The following PHLPP2 variants were observed in gnomAD, a reference collection of about 807,000 sequenced individuals.
The protein encoded by PHLPP2 is PH domain and leucine rich repeat protein phosphatase 2, also known as PH domain leucine-rich repeat-containing protein phosphatase 2.
A neutral mutation model predicts 124.9 loss-of-function variants in PHLPP2; 66 were observed. The ratio of observed to expected loss-of-function variants is 0.53; its 90% CI spans 0.43 to 0.65. The LOEUF is 0.65. Ranked by LOEUF, PHLPP2 falls within the 30% of genes least tolerant of loss-of-function variation. The pLI, the probability that PHLPP2 is intolerant of heterozygous loss-of-function variation, is 0.00. For synonymous variants in PHLPP2, 681 were observed against 624.7 expected (o/e 1.09, Z -1.34); for missense variants, 1,685 against 1,600.4 (o/e 1.05, Z -0.90).
chr16:71,719,986 T>TTTTTTTTTTTTTTC, intron 1 of PHLPP2, among the ~76,000 whole-genome samples: 1 of 143,206 alleles, frequency 7.0e-6, no homozygotes, highest in Non-Finnish European at 1.5e-5. Context: ...TTTTTTTTTT[T>TTTTTTTTTTTTTTC]TTGAGACGGA....
intron 7 of PHLPP2, 71 bp downstream of exon 7, chr16:71,679,318 C>T: frequency 7.5e-7 from 1 of 1,337,750 alleles, no homozygotes; most frequent in Non-Finnish European, 1.1e-6. Context: ...CAAGATACTA[C>T]CTTCATTCCA....
chr16:71,658,237 A>T lies in PHLPP2; in HGVS notation c.2275T>A (p.Phe759Ile). 1.2e-6 allele frequency: 2 copies of T among 1,613,072 alleles called. No homozygotes were observed. Among genetic ancestry groups the T allele is most frequent in the Non-Finnish European group, 1.7e-6 (2 of 1,179,670 alleles). ...LVLEHKTLDIFSHITTLKIDQ... is the reference protein window; with the variant it reads ...LVLEHKTLDIISHITTLKIDQ... Reference sequence around the variant, plus strand: ...CCATTTCAAATTTTTTCCTACCTAAATATGTCCAGTGTCTTGTGTTCCAGA... The same window carrying T: ...CCATTTCAAATTTTTTCCTACCTAATTATGTCCAGTGTCTTGTGTTCCAGA... Residue 759 changes from phenylalanine (F) to isoleucine (I), a missense_variant, in exon 15 of 19, where the codon TTT (phenylalanine) becomes ATT (isoleucine). Coordinates refer to ENST00000568954, the MANE Select transcript of PHLPP2 (RefSeq NM_015020.3).
chr16:71,706,230 T>C (rs746047829), intron 2 of PHLPP2, among the ~76,000 whole-genome samples: 26 of 152,294 alleles, frequency 1.7e-4, no homozygotes, highest in Non-Finnish European at 2.8e-4. Flanking sequence ...CCATGTAAAT[T>C]TGAATATATA....
intron 4 of PHLPP2, among the ~76,000 whole-genome samples, chr16:71,686,266 G>A (rs200618962): frequency 2.6e-5 from 4 of 152,090 alleles, no homozygotes; most frequent in Admixed American, 6.6e-5. Context: ...TCAACCTTAC[G>A]GGTTCAAGTG....
At chr16:71,712,111 T>C (rs762992652) in intron 2 of PHLPP2, among the ~76,000 whole-genome samples, 11 of 152,252 alleles carry the variant, frequency 7.2e-5, no homozygotes, top group Admixed American at 3.3e-4. Context: ...CTTGGAGTTA[T>C]TGTGAGGATT....
chr16:71,715,117 C>A (rs1479116301), intron 1 of PHLPP2: 8 of 311,832 alleles, frequency 2.6e-5, no homozygotes. Context: ...TTTGGGGGGC[C>A]AAGGTAAGAG....
intron 1 of PHLPP2, among the ~76,000 whole-genome samples, chr16:71,716,462 A>T (rs1046749680): frequency 6.6e-6 from 1 of 152,216 alleles, no homozygotes; most frequent in Admixed American, 6.5e-5. Flanking sequence ...AGTTATCTCA[A>T]AGCAAAAACA....
intron 4 of PHLPP2, among the ~76,000 whole-genome samples, chr16:71,690,018 A>C (rs2045093466): frequency 1.3e-5 from 2 of 152,160 alleles, no homozygotes; most frequent in Admixed American, 1.3e-4. Context: ...ATATCTGTTT[A>C]TGGTCATTTG....
At chr16:71,671,449 T>C (rs2044892103) in intron 10 of PHLPP2, among the ~76,000 whole-genome samples, 1 of 152,000 alleles carries the variant, frequency 6.6e-6, no homozygotes, top group Non-Finnish European at 1.5e-5. Context: ...CACTGCTTGT[T>C]TGATTGTTCA....
chr16:71,696,680 T>C (rs2045174479), intron 3 of PHLPP2, among the ~76,000 whole-genome samples: 1 of 151,758 alleles, frequency 6.6e-6, no homozygotes, highest in Non-Finnish European at 1.5e-5. Context: ...CTTGTAAGAA[T>C]CATGTCCTCT....
intron 1 of PHLPP2, among the ~76,000 whole-genome samples, chr16:71,720,587 G>C (rs554176908): frequency 7.2e-5 from 11 of 152,254 alleles, no homozygotes; most frequent in African/African-American, 2.6e-4. Flanking sequence ...AAATACGGCC[G>C]GGTGCGGTGG....
At chr16:71,665,614 A>C (rs1345063267) in intron 12 of PHLPP2, among the ~76,000 whole-genome samples, 1 of 152,186 alleles carries the variant, frequency 6.6e-6, no homozygotes, top group African/African-American at 2.4e-5. Context: ...AGCTAATGGC[A>C]GGTACTGTGT....
intron 3 of PHLPP2, among the ~76,000 whole-genome samples, chr16:71,691,877 T>C (rs1308908544): frequency 6.6e-6 from 1 of 151,998 alleles, no homozygotes. Flanking sequence ...AGGAAGACTG[T>C]TTGAGCCCAG....
chr16:71,681,995 G>T, intron 5 of PHLPP2, 90 bp from the exon 6 acceptor site: 1 of 866,366 alleles, frequency 1.2e-6, no homozygotes, highest in South Asian at 3.0e-5. Flanking sequence ...ACAAAAAGAC[G>T]CTAATTAAAA....
In PHLPP2 at chr16:71,655,357, C is replaced by A; in HGVS notation, c.2468G>T (p.Arg823Leu). 6.2e-7 allele frequency: 1 copy of A among 1,613,892 alleles called. No homozygotes were observed. Residue 823 changes from arginine to leucine, a missense_variant, in exon 17 of 19, where the codon CGA becomes CTA. Physicochemically the swap from Arg to Leu is moderately radical, Grantham distance 102. Coordinates refer to ENST00000568954, the MANE Select transcript of PHLPP2 (RefSeq NM_015020.3). ...CAGCAGGCGCGGGAGCTCCTCATTTCGGTCTCCATCAAACATGCCATACAC... is the reference window on the plus strand; with the variant it reads ...CAGCAGGCGCGGGAGCTCCTCATTTAGGTCTCCATCAAACATGCCATACAC... ...GAVYGMFDGD[R>L]NEELPRLLQC... is the part of the protein sequence containing the mutation.
chr16:71,649,627 C>A lies in PHLPP2; in HGVS notation c.3235G>T (p.Glu1079Ter). Residue 1079 changes from glutamate (E) to a stop codon, truncating the protein, a stop_gained, in exon 19 of 19, where the codon GAG becomes TAG. Transcript: ENST00000568954. LOFTEE classifies it high-confidence loss of function. ...TPSSSSGIASEFSSEMSTSEV... is the reference protein window; with the variant it reads ...TPSSSSGIAS ...GAGGTGGACATCTCACTGCTGAACT[C>A]AGAGGCAATCCCACTGCTAGAGGAT... The A allele has an allele frequency of 1.2e-6, 2 of 1,614,180 alleles. No homozygotes were observed. The highest frequency in any genetic ancestry group is 1.7e-6 in the Non-Finnish European group (2 of 1,180,044).
rs759188281 is a variant in PHLPP2, at chr16:71,679,394, C to G, written c.1032G>C (p.Leu344=). 3 of 1,613,700 alleles carry G rather than the reference C, an allele frequency of 1.9e-6. No homozygotes were observed. Among genetic ancestry groups the G allele is most frequent in the Non-Finnish European group, 2.5e-6 (3 of 1,179,662 alleles). ...ATCTAGTAAAAGTTACTTACTTTAGCAGATTGCCAATTTGACTTGGTAGGT... is the reference window on the plus strand; with the variant it reads ...ATCTAGTAAAAGTTACTTACTTTAGGAGATTGCCAATTTGACTTGGTAGGT... ...FHDLPSQIGN[L]LNLQTLCLDG... is the part of the protein sequence containing the mutation. The change falls in exon 7 of 19, where the codon CTG becomes CTC. Residue 344 remains leucine (L), a synonymous_variant. Transcript: ENST00000568954.
At chr16:71,658,886 G>T in intron 13 of PHLPP2, 71 bp from the exon 14 acceptor site, 1 of 1,420,522 alleles carries the variant, frequency 7.0e-7, no homozygotes, top group Non-Finnish European at 9.8e-7. Flanking sequence ...CTATTCTACA[G>T]CAGCCACAGA....
At chr16:71,699,963 G>A (rs1160438633) in intron 3 of PHLPP2, among the ~76,000 whole-genome samples, 1 of 152,182 alleles carries the variant, frequency 6.6e-6, no homozygotes. Flanking sequence ...TCCCACCAGC[G>A]TCCAATCAGC....
Sources: gnomAD v4.1 joint callset for allele counts (sites outside exome capture counted in the v4.1 genomes callset) on GRCh38, gnomAD v4.1.1 for gene constraint, MANE v1.5 for transcripts, NCBI Gene and HGNC (gene_info 2026-07-23, HGNC 2026-07-21) for gene names.